Variants in HMG20A observed in about 807,000 individuals in gnomAD.
HMG20A encodes the protein high mobility group protein 20A.
HMG20A carries 17 observed loss-of-function variants against 43.9 expected under a neutral mutation model. The observed-to-expected ratio is 0.39, with a 90% CI of 0.27 to 0.58. The LOEUF is 0.58. Ranked by LOEUF, HMG20A falls within the 20% of genes least tolerant of loss-of-function variation. The pLI, the probability that HMG20A is intolerant of heterozygous loss-of-function variation, is 0.59. For missense variants in HMG20A, 341 were observed against 438.2 expected (o/e 0.78, Z 1.98); for synonymous variants, 132 against 147.5 (o/e 0.89, Z 0.76).
intron 1 of HMG20A, among the ~76,000 whole-genome samples, chr15:77,450,315 T>C (rs2073722594): frequency 6.6e-6 from 1 of 151,974 alleles, no homozygotes; most frequent in Non-Finnish European, 1.5e-5. Flanking sequence ...TATTTGAGTA[T>C]TTGCATACAC....
chr15:77,478,425 G>A lies in HMG20A; in HGVS notation c.822G>A (p.Glu274=). Residue 274 remains glutamate (E), a synonymous_variant, in exon 8 of 10, where the codon GAG becomes GAA. Coordinates refer to ENST00000336216, the MANE Select transcript of HMG20A (RefSeq NM_001304504.2). ...AGCTGGAGGTGGATGTGATCCAGGA[G>A]CGGAGCCGCAACACAGTCTTACAGC... is the stretch of plus-strand genomic sequence containing the variant. The part of the protein sequence containing the change: ...VEKLEVDVIQ[E]RSRNTVLQQH... 5 of 1,612,916 alleles carry A rather than the reference G, an allele frequency of 3.1e-6. No homozygotes were observed. The highest frequency in any genetic ancestry group is 4.2e-6 in the Non-Finnish European group (5 of 1,180,048).
chr15:77,505,741 G>A, the HMG20A span, among the ~76,000 whole-genome samples: 3 of 152,242 alleles, frequency 2.0e-5, no homozygotes, highest in African/African-American at 7.2e-5. Context: ...GGGCTACAGG[G>A]CTGCAGGGCC....
the HMG20A span, among the ~76,000 whole-genome samples, chr15:77,511,616 T>G: frequency 6.6e-6 from 1 of 152,168 alleles, no homozygotes; most frequent in Non-Finnish European, 1.5e-5. Context: ...TCAATAGACG[T>G]TTCTCCAAAG....
At chr15:77,501,063 A>G in the HMG20A span, among the ~76,000 whole-genome samples, 27 of 152,226 alleles carry the variant, frequency 1.8e-4, no homozygotes, top group African/African-American at 6.0e-4. Context: ...ACGTATGCCT[A>G]TTCTGATACT....
At chr15:77,482,226 G>A (rs1321995384) in intron 9 of HMG20A, 3 of 152,090 alleles carry the variant, frequency 2.0e-5, no homozygotes, top group Non-Finnish European at 4.4e-5. Flanking sequence ...AGATACATAG[G>A]AAGTAAACAG....
At chr15:77,472,459 A>G (rs2072818490) in intron 6 of HMG20A, among the ~76,000 whole-genome samples, 1 of 152,138 alleles carries the variant, frequency 6.6e-6, no homozygotes, top group Non-Finnish European at 1.5e-5. Flanking sequence ...TATTTTTAGT[A>G]GAGACAGGGT....
chr15:77,421,034 C>T, intron 1 of HMG20A, 30 bp downstream of exon 1: 1 of 398,552 alleles, frequency 2.5e-6, no homozygotes, highest in East Asian at 3.6e-5. Context: ...TTGGGGGTGG[C>T]CCCAGTCGAG....
chr15:77,459,926 G>A lies in HMG20A; in HGVS notation c.89+1430G>A, dbSNP rs185880156. 2.0e-5 allele frequency among the ~76,000 whole-genome samples: 3 copies of A among 152,292 alleles called. No homozygotes were observed. In the East Asian group the frequency reaches 5.8e-4, roughly 29 times the overall value. On this transcript the variant is annotated intron_variant, in intron 2 of 9. Coordinates refer to ENST00000336216, the MANE Select transcript of HMG20A (RefSeq NM_001304504.2). Reference sequence around the variant, plus strand: ...TTGGGTAAGAAGAGACTAGATCATAGGGATCAAAATATTTAGAGATCAAAA... The same window carrying A: ...TTGGGTAAGAAGAGACTAGATCATAAGGATCAAAATATTTAGAGATCAAAA...
intron 1 of HMG20A, among the ~76,000 whole-genome samples, chr15:77,440,230 G>T (rs1287843899): frequency 2.0e-5 from 3 of 152,002 alleles, no homozygotes; most frequent in African/African-American, 7.3e-5. Context: ...TTAGTGCTTT[G>T]TCCTCTTTAA....
intron 1 of HMG20A, among the ~76,000 whole-genome samples, chr15:77,457,420 C>T (rs1376143657): frequency 6.6e-6 from 1 of 152,154 alleles, no homozygotes; most frequent in Non-Finnish European, 1.5e-5. Context: ...GAGTGCTTTG[C>T]AGTTCTGTGT....
intron 6 of HMG20A, among the ~76,000 whole-genome samples, chr15:77,472,257 G>A (rs923918213): frequency 6.6e-6 from 1 of 151,990 alleles, no homozygotes; most frequent in African/African-American, 2.4e-5. Context: ...AGTATCTCAG[G>A]TTTGTTTTTT....
chr15:77,446,811 A>G (rs1237292984), intron 1 of HMG20A, among the ~76,000 whole-genome samples: 1 of 152,070 alleles, frequency 6.6e-6, no homozygotes, highest in Non-Finnish European at 1.5e-5. Flanking sequence ...CGTCTCAAAA[A>G]AAAAAAAAAA....
At chr15:77,435,084 G>A (rs1293548535) in intron 1 of HMG20A, among the ~76,000 whole-genome samples, 1 of 152,052 alleles carries the variant, frequency 6.6e-6, no homozygotes, top group Non-Finnish European at 1.5e-5. Flanking sequence ...TAATTACATA[G>A]TATATGAATA....
At position 77,474,840 on chromosome 15, in the gene HMG20A, G is replaced by T. The variant is rs144798319; in HGVS notation, c.616-2715G>T. Among the ~76,000 whole-genome samples the T allele has an allele frequency of 1.2e-3, 189 of 152,174 alleles. 1 individual carries two copies. Among genetic ancestry groups the T allele is most frequent in the African/African-American group, 4.4e-3 (184 of 41,524 alleles). On this transcript the variant is annotated intron_variant, in intron 6 of 9. Coordinates refer to ENST00000336216, the MANE Select transcript of HMG20A (RefSeq NM_001304504.2). The stretch of plus-strand genomic sequence containing the variant: ...ACATATCACACTCTTTGAAATTCTG[G>T]CCCTGAGCCTAGATCACAGCAAAAT...
chr15:77,475,182 C>T (rs932248906), intron 6 of HMG20A, among the ~76,000 whole-genome samples: 1 of 152,148 alleles, frequency 6.6e-6, no homozygotes, highest in Non-Finnish European at 1.5e-5. Context: ...AGCTTAAGTA[C>T]ACCCAAGCCC....
chr15:77,444,865 G>A (rs369708698), intron 1 of HMG20A, among the ~76,000 whole-genome samples: 1 of 152,182 alleles, frequency 6.6e-6, no homozygotes, highest in Admixed American at 6.5e-5. Flanking sequence ...ATCTTGTGAA[G>A]AAAACTCTAA....
chr15:77,477,751 C>G, intron 7 of HMG20A, 121 bp downstream of exon 7: 1 of 643,464 alleles, frequency 1.6e-6, no homozygotes, highest in African/African-American at 1.9e-5. Context: ...ACTCAAAGAC[C>G]AGTGAAGGAA....
At chr15:77,504,366 A>C in the HMG20A span, among the ~76,000 whole-genome samples, 1 of 152,228 alleles carries the variant, frequency 6.6e-6, no homozygotes, top group Non-Finnish European at 1.5e-5. Flanking sequence ...ACAGAGTACC[A>C]AGCTGCAGTC....
intron 9 of HMG20A, chr15:77,482,218 A>G (rs2072911093): frequency 6.6e-6 from 1 of 152,190 alleles, no homozygotes; most frequent in Admixed American, 6.5e-5. Flanking sequence ...GAGCATTAAG[A>G]TACATAGGAA....
Sources: gnomAD v4.1 joint callset for allele counts (sites outside exome capture counted in the v4.1 genomes callset) on GRCh38, gnomAD v4.1.1 for gene constraint, MANE v1.5 for transcripts, NCBI Gene and HGNC (gene_info 2026-07-23, HGNC 2026-07-21) for gene names.